The following LRRC63 variants were observed in gnomAD, a reference collection of about 807,000 sequenced individuals.
LRRC63 encodes leucine-rich repeat-containing protein 63.
LRRC63 carries 40 observed loss-of-function variants against 49.5 expected under a neutral mutation model. The observed-to-expected ratio is 0.81, with a 90% confidence interval of 0.63 to 1.05. LRRC63 has a LOEUF of 1.05. Among genes scored for constraint, LRRC63 ranks in the 50% least tolerant of loss-of-function variants. The probability of loss-of-function intolerance (pLI) is 0.00; values close to 1 mark genes in which losing one functional copy is unlikely to be tolerated. For synonymous variants in LRRC63, 191 were observed against 221.1 expected, an observed-to-expected ratio of 0.86 and a Z score of 1.21; for missense variants, 636 against 663.1, an observed-to-expected ratio of 0.96 and a Z score of 0.45.
chr13:46,216,002 C>T (rs1049018155), intron 2 of LRRC63, among the ~76,000 whole-genome samples: 1 of 152,098 alleles, frequency 6.6e-6, no homozygotes, highest in African/African-American at 2.4e-5. Flanking sequence ...CAGTAACATG[C>T]TGTTTTGGTT....
chr13:46,223,509 A>T (rs1424829085), intron 2 of LRRC63, among the ~76,000 whole-genome samples: 4 of 142,986 alleles, frequency 2.8e-5, no homozygotes, highest in African/African-American at 5.3e-5. Flanking sequence ...TAATTTCAGC[A>T]CTTTGAATAT....
chr13:46,272,165 G>A (rs1420498721), intron 9 of LRRC63, among the ~76,000 whole-genome samples: 1 of 152,056 alleles, frequency 6.6e-6, no homozygotes, highest in Non-Finnish European at 1.5e-5. Flanking sequence ...GTCCCAGGTG[G>A]GCAGTTTAAA....
intron 4 of LRRC63, among the ~76,000 whole-genome samples, chr13:46,231,036 T>A (rs941841738): frequency 6.6e-6 from 1 of 152,218 alleles, no homozygotes; most frequent in Non-Finnish European, 1.5e-5. Context: ...AAATAAGTTC[T>A]TCATTTCAAT....
At chr13:46,245,601 G>C (rs1240310876) in intron 5 of LRRC63, among the ~76,000 whole-genome samples, 1 of 152,038 alleles carries the variant, frequency 6.6e-6, no homozygotes. Context: ...AAAGCACTAA[G>C]TGTTTGGAAA....
At chr13:46,244,896 C>T (rs1200164951) in intron 5 of LRRC63, among the ~76,000 whole-genome samples, 1 of 151,768 alleles carries the variant, frequency 6.6e-6, no homozygotes, top group Non-Finnish European at 1.5e-5. Flanking sequence ...GGTTAAACAC[C>T]ACAATAAAAA....
Position 46,262,008 on chromosome 13 carries a change from A to G in LRRC63, c.1310+16A>G. 14 of 914,908 alleles carry G rather than the reference A, an allele frequency of 1.5e-5. No homozygotes were observed. The highest frequency in any genetic ancestry group is 2.0e-5 in the Non-Finnish European group (14 of 683,262). 56.7% of individuals were successfully genotyped at this position (914,908 alleles called of 1,614,324 possible). On this transcript the variant is annotated intron_variant, in intron 8 of 9. Coordinates refer to ENST00000595396, the Ensembl canonical transcript of LRRC63. ...AGAAACTCAGGTATTTTGGAAGTAC[A>G]CAGAAAGTTATATGCCCCTTAATTA... is the stretch of plus-strand genomic sequence containing the variant.
At chr13:46,276,009 TACTAGGGAGATTG>T in intron 9 of LRRC63, among the ~76,000 whole-genome samples, 1 of 152,178 alleles carries the variant, frequency 6.6e-6, no homozygotes, top group East Asian at 1.9e-4. Context: ...ATTCCCCGAT[TACTAGGGAGATTG>T]AAAAGCTTTA....
Sources: allele counts gnomAD v4.1 joint callset (sites outside exome capture counted in the v4.1 genomes callset), GRCh38; gene constraint gnomAD v4.1.1; transcripts MANE v1.5; gene names NCBI Gene and HGNC (gene_info 2026-07-23, HGNC 2026-07-21).